The following ASIC2 variants were observed in gnomAD, a reference collection of about 807,000 sequenced individuals.
ASIC2 encodes acid-sensing ion channel 2.
ASIC2 carries 25 observed loss-of-function variants against 57.3 expected under a neutral mutation model. The ratio of observed to expected loss-of-function variants is 0.44; its 90% CI spans 0.32 to 0.61. ASIC2 has a LOEUF of 0.61. Among genes scored for constraint, ASIC2 ranks in the 20% least tolerant of loss-of-function variants. The pLI is 0.06. For missense variants in ASIC2, 641 were observed against 738.1 expected, an observed-to-expected ratio of 0.87 and a Z score of 1.52; for synonymous variants, 319 against 307.5, an observed-to-expected ratio of 1.04 and a Z score of -0.39.
At chr17:33,443,649 C>T (rs1911910839) in intron 1 of ASIC2, among the ~76,000 whole-genome samples, 1 of 151,384 alleles carries the variant, frequency 6.6e-6, no homozygotes, top group African/African-American at 2.4e-5. Flanking sequence ...ATCTCCTGAC[C>T]TCGTGATCCG....
At chr17:33,061,744 C>T (rs1169524583) in intron 3 of ASIC2, among the ~76,000 whole-genome samples, 2 of 152,172 alleles carry the variant, frequency 1.3e-5, no homozygotes, top group African/African-American at 4.8e-5. Context: ...ATGGTACCAG[C>T]TCCTCCTTGT....
chr17:33,066,146 C>T (rs2092042537), intron 3 of ASIC2, among the ~76,000 whole-genome samples: 1 of 152,136 alleles, frequency 6.6e-6, no homozygotes, highest in Non-Finnish European at 1.5e-5. Flanking sequence ...CAGCTGATGT[C>T]TTTTTATTTG....
chr17:33,478,409 G>A (rs1913297993), intron 1 of ASIC2, among the ~76,000 whole-genome samples: 1 of 152,196 alleles, frequency 6.6e-6, no homozygotes, highest in Admixed American at 6.5e-5. Context: ...AAATAGCACA[G>A]AGGTCTCCCC....
chr17:33,147,880 G>A lies in ASIC2; in HGVS notation c.709-35813C>T, dbSNP rs190515409. Among the ~76,000 whole-genome samples the A allele has an allele frequency of 5.9e-5, 9 of 152,260 alleles. No individual in the cohort carries two copies. In the East Asian group the frequency reaches 1.5e-3, roughly 26 times the overall value. ...TCCAAGTTGGAGCTGCGTGCTGTGG[G>A]CGCTGGTTTTCATCACAGACTGGAG... On this transcript the variant is annotated intron_variant, in intron 1 of 9. Transcript: ENST00000225823.
intron 1 of ASIC2, among the ~76,000 whole-genome samples, chr17:33,661,455 C>G (rs375482739): frequency 3.9e-5 from 6 of 152,314 alleles, no homozygotes; most frequent in African/African-American, 1.4e-4. Flanking sequence ...AGAAACAGAG[C>G]ACCCTGAAGT....
chr17:33,599,054 C>T (rs1567665148), intron 1 of ASIC2, among the ~76,000 whole-genome samples: 1 of 152,334 alleles, frequency 6.6e-6, no homozygotes, highest in East Asian at 1.9e-4. Flanking sequence ...ACAGGGTGGA[C>T]AAGCCCAGGA....
At chr17:34,155,862 G>A (rs1253312964) in intron 1 of ASIC2, 1 of 1,217,214 alleles carries the variant, frequency 8.2e-7, no homozygotes, top group East Asian at 2.4e-5. Context: ...CTTCAGGTGA[G>A]GCACTGCTCT....
rs550239167 is a variant in ASIC2 at position 33,977,596 on chromosome 17, C to T, written c.555+178382G>A. Reference sequence around the variant, plus strand: ...TTGAAGGATACAGTTTTTCTATCCTCGATAACCATGGCATTTTTCTGTAGG... The same window carrying T: ...TTGAAGGATACAGTTTTTCTATCCTTGATAACCATGGCATTTTTCTGTAGG... On this transcript the variant is annotated intron_variant, in intron 1 of 9. Coordinates refer to the ASIC2 transcript ENST00000359872. 3.9e-5 allele frequency among the ~76,000 whole-genome samples: 6 copies of T among 152,284 alleles called. No homozygotes were observed. In the South Asian group the frequency reaches 8.3e-4, roughly 21 times the overall value.
At chr17:33,106,430 T>A (rs2092234631) in intron 2 of ASIC2, among the ~76,000 whole-genome samples, 1 of 152,164 alleles carries the variant, frequency 6.6e-6, no homozygotes, top group African/African-American at 2.4e-5. Context: ...TAGAAGGAGA[T>A]GTGAAAGGGA....
At position 33,292,052 on chromosome 17, in the gene ASIC2, T is replaced by C; in HGVS notation, c.64A>G (p.Met22Val). The C allele has an allele frequency of 8.9e-7, 1 of 1,120,886 alleles. No individual in the cohort carries two copies. The highest frequency in any genetic ancestry group is 1.1e-6 in the Non-Finnish European group (1 of 922,038). The allele number at this position is 1,120,886 out of a possible 1,614,324, so 69.4% of individuals were successfully genotyped here. ...GCGGGCGCCGGCTCCTCGCGGGCCATGCGGAAGCGTCCCGGGCCGGTGAGC... is the reference window on the plus strand; with the variant it reads ...GCGGGCGCCGGCTCCTCGCGGGCCACGCGGAAGCGTCCCGGGCCGGTGAGC... Reference protein sequence around the residue: ...AALTGPGRFRMAREEPAPAAL... With the variant: ...AALTGPGRFRVAREEPAPAAL... Residue 22 changes from methionine (M) to valine (V), a missense_variant, in exon 1 of 10, where the codon ATG becomes GTG. Transcript: ENST00000225823.
chr17:33,229,332 A>G (rs1908004195), intron 1 of ASIC2, among the ~76,000 whole-genome samples: 2 of 152,210 alleles, frequency 1.3e-5, no homozygotes, highest in Non-Finnish European at 2.9e-5. Context: ...TATTCAAAAA[A>G]CACCACTGTG....
chr17:33,443,663 G>A (rs1456108002), intron 1 of ASIC2, among the ~76,000 whole-genome samples: 1 of 151,442 alleles, frequency 6.6e-6, no homozygotes, highest in East Asian at 2.0e-4. Flanking sequence ...TGATCCGCCC[G>A]CCTCGGCCTC....
At chr17:33,130,777 A>G (rs964388413) in intron 1 of ASIC2, among the ~76,000 whole-genome samples, 1 of 152,206 alleles carries the variant, frequency 6.6e-6, no homozygotes, top group African/African-American at 2.4e-5. Flanking sequence ...TCCAGATCAC[A>G]GGAGGTGCTG....
At chr17:33,158,372 G>A (rs1174866543) in intron 1 of ASIC2, among the ~76,000 whole-genome samples, 1 of 152,204 alleles carries the variant, frequency 6.6e-6, no homozygotes. Flanking sequence ...AAAAACTTGG[G>A]AGACAAGGTT....
chr17:33,614,583 T>C (rs1269550269), intron 1 of ASIC2, among the ~76,000 whole-genome samples: 1 of 152,270 alleles, frequency 6.6e-6, no homozygotes. Context: ...TTATTTATTT[T>C]TTGAAAACTT....
rs569274851 is a variant in ASIC2, at chr17:34,150,826, A to T, written c.555+5152T>A. Reference sequence around the variant, plus strand: ...TAGACATGGAGAAAGAGGTATAAAAAGTAAAGAGGGTGGCGTGGTGGCTCA... The same window carrying T: ...TAGACATGGAGAAAGAGGTATAAAATGTAAAGAGGGTGGCGTGGTGGCTCA... On this transcript the variant is annotated intron_variant, in intron 1 of 9. Transcript: ENST00000359872. Among the ~76,000 whole-genome samples the T allele has an allele frequency of 2.6e-5, 4 of 152,262 alleles. No homozygotes were observed. In the East Asian group the frequency reaches 7.7e-4, roughly 29 times the overall value.
chr17:33,249,324 G>A (rs1344078753), intron 1 of ASIC2, among the ~76,000 whole-genome samples: 1 of 152,188 alleles, frequency 6.6e-6, no homozygotes, highest in Non-Finnish European at 1.5e-5. Flanking sequence ...TGAGTAGGTA[G>A]CTGGGGAGAA....
At position 33,015,837 on chromosome 17, in the gene ASIC2, C is replaced by A. The variant is rs142539377; in HGVS notation, c.1590+134G>T. 8.3e-5 allele frequency: 74 copies of A among 890,824 alleles called. No individual in the cohort carries two copies. The African/African-American group carries it at 1.2e-3, about 15-fold the overall frequency. 55.2% of individuals were successfully genotyped at this position (890,824 alleles called of 1,614,324 possible). A position where few individuals can be genotyped will look rare whatever the true frequency, so the allele number is the denominator to read the frequency against. On this transcript the variant is annotated intron_variant, in intron 9 of 9. Coordinates refer to ENST00000225823, the MANE Select transcript of ASIC2 (RefSeq NM_183377.2). ...GCTGGAGTGTCCTTGGATTTGGGAA[C>A]TGACAGCATGTCCCAAGCCATGGAA...
intron 1 of ASIC2, among the ~76,000 whole-genome samples, chr17:34,075,815 TCTTTTTC>T (rs1909618005): frequency 7.0e-6 from 1 of 141,902 alleles, no homozygotes; most frequent in South Asian, 2.2e-4. Flanking sequence ...CAAGTCTTTT[TCTTTTTC>T]CTTTTTTTTT....
Sources: gnomAD v4.1 joint callset for allele counts (sites outside exome capture counted in the v4.1 genomes callset) on GRCh38, gnomAD v4.1.1 for gene constraint, MANE v1.5 for transcripts, NCBI Gene and HGNC (gene_info 2026-07-23, HGNC 2026-07-21) for gene names.